NEO1: variants seen among roughly 807,000 people sequenced by gnomAD.
NEO1 encodes the protein neogenin.
Under a neutral mutation model 159.7 loss-of-function variants are expected in NEO1, and 63 were observed. That is an observed-to-expected ratio of 0.39 (90% CI 0.32 to 0.49). The LOEUF is 0.49. Ranked by LOEUF, NEO1 falls within the 20% of genes least tolerant of loss-of-function variation. The probability of loss-of-function intolerance (pLI) is 0.85; values close to 1 mark genes in which losing one functional copy is unlikely to be tolerated. For missense variants in NEO1, 1,615 were observed against 1,831.0 expected (o/e 0.88, Z 2.15); for synonymous variants, 633 against 662.0 (o/e 0.96, Z 0.67).
intron 5 of NEO1, among the ~76,000 whole-genome samples, chr15:73,156,845 C>T (rs540015693): frequency 6.6e-6 from 1 of 152,252 alleles, no homozygotes; most frequent in Non-Finnish European, 1.5e-5. Flanking sequence ...TGTACTCAGG[C>T]CTCCCAATGG....
At chr15:73,272,964 G>T (rs1596549790) in intron 19 of NEO1, among the ~76,000 whole-genome samples, 1 of 82,652 alleles carries the variant, frequency 1.2e-5, no homozygotes, top group African/African-American at 4.6e-5. Flanking sequence ...GTACCCTGAA[G>T]CCACAAAAAA....
chr15:73,238,288 T>G (rs1018753178), intron 8 of NEO1, among the ~76,000 whole-genome samples: 7 of 143,968 alleles, frequency 4.9e-5, no homozygotes, highest in East Asian at 2.0e-4. Flanking sequence ...TTTTTTTTTT[T>G]TTTTTTTTTT....
chr15:73,114,851 A>C (rs1567223981), intron 1 of NEO1, among the ~76,000 whole-genome samples: 1 of 152,198 alleles, frequency 6.6e-6, no homozygotes, highest in Non-Finnish European at 1.5e-5. Flanking sequence ...AATTTCTCTT[A>C]GTTTAGCTAT....
At chr15:73,289,339 A>G (rs2042073968) in intron 25 of NEO1, 101 bp downstream of exon 25, 2 of 989,666 alleles carry the variant, frequency 2.0e-6, no homozygotes, top group Admixed American at 4.0e-5. Context: ...TTCTAACACA[A>G]AGATAATCTA....
intron 7 of NEO1, among the ~76,000 whole-genome samples, chr15:73,184,149 A>G (rs1324969933): frequency 1.3e-5 from 2 of 151,468 alleles, no homozygotes; most frequent in African/African-American, 4.8e-5. Flanking sequence ...CTTTTTTAAA[A>G]TTAATTAATT....
chr15:73,149,401 A>G (rs2033194150), intron 5 of NEO1, among the ~76,000 whole-genome samples: 3 of 152,200 alleles, frequency 2.0e-5, no homozygotes, highest in Non-Finnish European at 4.4e-5. Context: ...ATCTACTGCA[A>G]ATAGGCAGAA....
chr15:73,165,780 G>C (rs138874216), intron 5 of NEO1, among the ~76,000 whole-genome samples: 4 of 152,196 alleles, frequency 2.6e-5, no homozygotes, highest in African/African-American at 4.8e-5. Flanking sequence ...GAATGCAAAG[G>C]CTTTTTAAAA....
chr15:73,080,493 G>A (rs957980198), intron 1 of NEO1, among the ~76,000 whole-genome samples: 1 of 151,192 alleles, frequency 6.6e-6, no homozygotes, highest in Non-Finnish European at 1.5e-5. Context: ...ACATATTTTT[G>A]TAACATTTGC....
Position 73,061,742 on chromosome 15 carries a change from T to TTA in NEO1, c.130+8944_130+8945dup, listed in dbSNP as rs1438542292. ...TCACTTTTAATAGCTATGGTCTATT[T>TTA]TATATATACAATTATATACTTAAAA... On this transcript the variant is annotated intron_variant, in intron 1 of 28. Coordinates refer to ENST00000261908, the MANE Select transcript of NEO1 (RefSeq NM_002499.4). 2.0e-5 allele frequency among the ~76,000 whole-genome samples: 3 copies of TTA among 152,208 alleles called. No individual in the cohort carries two copies. The East Asian group carries it at 5.8e-4, about 29-fold the overall frequency.
At chr15:73,226,550 A>G (rs1256795767) in intron 7 of NEO1, among the ~76,000 whole-genome samples, 1 of 152,138 alleles carries the variant, frequency 6.6e-6, no homozygotes, top group Non-Finnish European at 1.5e-5. Context: ...AAATCTCTAC[A>G]ATCTCCCAAA....
intron 1 of NEO1, among the ~76,000 whole-genome samples, chr15:73,075,683 A>G (rs781422699): frequency 2.6e-5 from 4 of 152,152 alleles, no homozygotes; most frequent in Non-Finnish European, 5.9e-5. Context: ...TTTCTTTTGT[A>G]TCATAGGATG....
At chr15:73,257,161 A>G (rs1006385275) in intron 13 of NEO1, among the ~76,000 whole-genome samples, 6 of 128,044 alleles carry the variant, frequency 4.7e-5, no homozygotes, top group Admixed American at 3.4e-4. Flanking sequence ...AAAGTTTCAT[A>G]TTTTACTCTA....
intron 5 of NEO1, among the ~76,000 whole-genome samples, chr15:73,157,687 T>C (rs2033880637): frequency 6.6e-6 from 1 of 152,216 alleles, no homozygotes; most frequent in Non-Finnish European, 1.5e-5. Flanking sequence ...TCTTGGATAA[T>C]ATATTTAAAG....
chr15:73,261,755 C>T (rs1327530621), intron 15 of NEO1, among the ~76,000 whole-genome samples: 1 of 152,096 alleles, frequency 6.6e-6, no homozygotes, highest in African/African-American at 2.4e-5. Flanking sequence ...CAAGAAAAGT[C>T]ACAATAGGCT....
At position 73,303,388 on chromosome 15, in the gene NEO1, C is replaced by T. The variant is rs900287452; in HGVS notation, c.*692C>T. The T allele has an allele frequency of 2.0e-5, 3 of 151,864 alleles. No individual in the cohort carries two copies. Among genetic ancestry groups the T allele is most frequent in the Non-Finnish European group, 2.9e-5 (2 of 67,980 alleles). 9.4% of individuals were successfully genotyped at this position (151,864 alleles called of 1,614,324 possible). A position where few individuals can be genotyped will look rare whatever the true frequency, so the allele number is the denominator to read the frequency against. ...TAATTATTAAAGGCCTGACTCTTTC[C>T]TCTCATCACTGTGAGATTACAGATC... On this transcript the variant is annotated 3_prime_UTR_variant, in exon 29 of 29. Coordinates refer to ENST00000261908, the MANE Select transcript of NEO1 (RefSeq NM_002499.4).
In NEO1 at chr15:73,099,652, A is replaced by G. The variant is rs558000992; in HGVS notation, c.131-16888A>G. ...TGACAGCAGAAGCTTTCAATAAATT[A>G]TTCATGTGCTATTTGTTTTCTGTGT... On this transcript the variant is annotated intron_variant, in intron 1 of 28. Coordinates refer to ENST00000261908, the MANE Select transcript of NEO1 (RefSeq NM_002499.4). Among the ~76,000 whole-genome samples, 4 of 152,336 alleles carry G rather than the reference A, an allele frequency of 2.6e-5. No homozygotes were observed. The East Asian group carries it at 7.7e-4, about 29-fold the overall frequency.
chr15:73,279,659 C>T (rs751076347), intron 22 of NEO1, among the ~76,000 whole-genome samples: 2 of 152,028 alleles, frequency 1.3e-5, no homozygotes, highest in Non-Finnish European at 2.9e-5. Context: ...CCCGCGTGCA[C>T]GTTTTTAAAG....
chr15:73,260,190 G>A (rs573015924), intron 14 of NEO1, 81 bp from the exon 15 acceptor site: 1 of 1,351,434 alleles, frequency 7.4e-7, no homozygotes, highest in South Asian at 1.4e-5. Context: ...GTGGTAGGAA[G>A]CTAAACACCA....
At chr15:73,246,378 A>G (rs2039799427) in intron 9 of NEO1, among the ~76,000 whole-genome samples, 1 of 152,170 alleles carries the variant, frequency 6.6e-6, no homozygotes, top group South Asian at 2.1e-4. Context: ...TACAGGCAGA[A>G]TGTTGAATTT....
Sources: allele counts gnomAD v4.1 joint callset (sites outside exome capture counted in the v4.1 genomes callset), GRCh38; gene constraint gnomAD v4.1.1; transcripts MANE v1.5; gene names NCBI Gene and HGNC (gene_info 2026-07-23, HGNC 2026-07-21).